Variants in CSNK1A1 observed in about 807,000 individuals in gnomAD.
CSNK1A1 encodes the protein casein kinase 1 alpha 1.
A neutral mutation model predicts 46.1 loss-of-function variants in CSNK1A1; 7 were observed. That is an observed-to-expected ratio of 0.15 (90% CI 0.09 to 0.29). CSNK1A1 has a LOEUF of 0.29. CSNK1A1 is among the 10% of genes least tolerant of loss of function. The pLI is 1.00. For missense variants in CSNK1A1, 96 were observed against 417.1 expected (o/e 0.23, Z 6.71); for synonymous variants, 137 against 141.5 (o/e 0.97, Z 0.23).
At position 149,550,427 on chromosome 5, in the gene CSNK1A1, C is replaced by G. The variant is rs773715415; in HGVS notation, c.124-246G>C. 3.4e-6 allele frequency: 4 copies of G among 1,181,724 alleles called. No individual in the cohort carries two copies. Among genetic ancestry groups the G allele is most frequent in the Non-Finnish European group, 4.4e-6 (4 of 916,986 alleles). 73.2% of individuals were successfully genotyped at this position (1,181,724 alleles called of 1,614,324 possible). A position where few individuals can be genotyped will look rare whatever the true frequency, so the allele number is the denominator to read the frequency against. ...TGATTCATCCAGAAAAAAGAGGCAA[C>G]CTCTGAACGTAGTGAGAGGTTTTTA... On this transcript the variant is annotated intron_variant, in intron 1 of 9. Coordinates refer to ENST00000377843, the MANE Select transcript of CSNK1A1 (RefSeq NM_001892.6). The surrounding 1 kb of genome is among the most constrained non-coding windows in gnomAD (Gnocchi z 4.3).
Position 149,496,750 on chromosome 5 carries a change from CA to C in CSNK1A1, c.*102del. On this transcript the variant is annotated 3_prime_UTR_variant, in exon 10 of 10. Coordinates refer to ENST00000377843, the MANE Select transcript of CSNK1A1 (RefSeq NM_001892.6). Reference sequence around the variant, plus strand: ...TTTACACCAAGTAAATGGTTGTCCACAACCACTGGCTAGTGTACATATGAAC... The same window carrying C: ...TTTACACCAAGTAAATGGTTGTCCACACCACTGGCTAGTGTACATATGAAC... 6.8e-7 allele frequency: 1 copy of C among 1,472,402 alleles called. No homozygotes were observed. Among genetic ancestry groups the C allele is most frequent in the Non-Finnish European group, 9.1e-7 (1 of 1,104,692 alleles). The allele number at this position is 1,472,402 out of a possible 1,614,324, so 91.2% of individuals were successfully genotyped here.
chr5:149,501,826 A>C (rs957299818), intron 9 of CSNK1A1: 8 of 978,500 alleles, frequency 8.2e-6, no homozygotes, highest in Non-Finnish European at 9.7e-6. Context: ...TAATATCTTG[A>C]AAAATACTTT....
chr5:149,506,886 C>T, intron 8 of CSNK1A1, 141 bp downstream of exon 8: 2 of 639,696 alleles, frequency 3.1e-6, no homozygotes, highest in East Asian at 5.9e-5. Context: ...AAATTAGTCC[C>T]AAATAAATCA....
chr5:149,545,750 T>C, intron 2 of CSNK1A1: 1 of 636,372 alleles, frequency 1.6e-6, no homozygotes, highest in Non-Finnish European at 2.9e-6. Flanking sequence ...ACCATTTCTG[T>C]GCCATTTTCA....
At chr5:149,548,766 T>C (rs942137328) in intron 2 of CSNK1A1, among the ~76,000 whole-genome samples, 1 of 152,132 alleles carries the variant, frequency 6.6e-6, no homozygotes, top group African/African-American at 2.4e-5. Flanking sequence ...CGAGAATCAC[T>C]TGAACCCGGG....
chr5:149,544,737 TTATATATATA>T (rs375444306), intron 2 of CSNK1A1, among the ~76,000 whole-genome samples: 4 of 80,808 alleles, frequency 4.9e-5, no homozygotes, highest in East Asian at 4.1e-4. Context: ...GTAAAGAGCT[TTATATATATA>T]TATATATATA....
At position 149,550,067 on chromosome 5, in the gene CSNK1A1, G is replaced by A. The variant is rs1411999572; in HGVS notation, c.230+8C>T. On this transcript the variant is annotated splice_region_variant and intron_variant, in intron 2 of 9. Coordinates refer to ENST00000377843, the MANE Select transcript of CSNK1A1 (RefSeq NM_001892.6). The surrounding 1 kb of genome is among the most constrained non-coding windows in gnomAD (Gnocchi z 4.3). ...TCAGCGGATCGCCTATATGCACCGG[G>A]TTCTTACCGTATGTGGGGGATGCCA... is the stretch of plus-strand genomic sequence containing the variant. 3 of 1,612,378 alleles carry A rather than the reference G, an allele frequency of 1.9e-6. No homozygotes were observed. The South Asian group carries it at 3.3e-5, about 18-fold the overall frequency.
chr5:149,499,964 TTTC>T (rs1252393297), intron 9 of CSNK1A1, among the ~76,000 whole-genome samples: 29 of 76,302 alleles, frequency 3.8e-4, no homozygotes, highest in Non-Finnish European at 6.9e-4. Context: ...TTTTTCTTTT[TTTC>T]TTTTTTTTTT....
chr5:149,550,427 C>A lies in CSNK1A1; in HGVS notation c.124-246G>T, dbSNP rs773715415. On this transcript the variant is annotated intron_variant, in intron 1 of 9. Transcript: ENST00000377843. This position sits in a 1 kb window ranked among gnomAD's most constrained non-coding sequence, Gnocchi z 4.3. ...TGATTCATCCAGAAAAAAGAGGCAA[C>A]CTCTGAACGTAGTGAGAGGTTTTTA... 2 of 1,181,842 alleles carry A rather than the reference C, an allele frequency of 1.7e-6. No homozygotes were observed. The highest frequency in any genetic ancestry group is 2.2e-6 in the Non-Finnish European group (2 of 916,978). The allele number at this position is 1,181,842 out of a possible 1,614,324, so 73.2% of individuals were successfully genotyped here.
At chr5:149,527,282 C>T (rs1414370831) in intron 2 of CSNK1A1, among the ~76,000 whole-genome samples, 2 of 152,056 alleles carry the variant, frequency 1.3e-5, no homozygotes, top group East Asian at 1.9e-4. Context: ...CGCCTGCCAC[C>T]ACGCCCAGCT....
intron 9 of CSNK1A1, chr5:149,499,325 T>C (rs1257281731): frequency 1.3e-6 from 1 of 795,506 alleles, no homozygotes; most frequent in Non-Finnish European, 1.5e-6. Flanking sequence ...GAGGGGGGAG[T>C]TAAAACAGAG....
chr5:149,539,994 C>T (rs1482421339), intron 2 of CSNK1A1, among the ~76,000 whole-genome samples: 2 of 152,090 alleles, frequency 1.3e-5, no homozygotes, highest in South Asian at 4.1e-4. Context: ...CTGAATTCAA[C>T]CAATTATTCC....
rs1761691565 is a variant in CSNK1A1, at chr5:149,525,273, A to G, written c.231-102T>C. The G allele has an allele frequency of 1.7e-6, 2 of 1,172,628 alleles. No homozygotes were observed. Among genetic ancestry groups the G allele is most frequent in the Non-Finnish European group, 1.2e-6 (1 of 867,824 alleles). The allele number at this position is 1,172,628 out of a possible 1,614,324, so 72.6% of individuals were successfully genotyped here. ...TTTTCTTTCACTGACTAGGTATTAT[A>G]TAAGGCGAATGTTCCCCTACTCAGA... On this transcript the variant is annotated intron_variant, in intron 2 of 9. Coordinates refer to ENST00000377843, the MANE Select transcript of CSNK1A1 (RefSeq NM_001892.6). This position sits in a 1 kb window ranked among gnomAD's most constrained non-coding sequence, Gnocchi z 4.2.
At chr5:149,523,256 T>C (rs905477483) in intron 3 of CSNK1A1, among the ~76,000 whole-genome samples, 9 of 152,122 alleles carry the variant, frequency 5.9e-5, no homozygotes, top group African/African-American at 2.2e-4. Context: ...GCCAGGCTGG[T>C]CTCGAACTCC....
intron 2 of CSNK1A1, among the ~76,000 whole-genome samples, chr5:149,544,758 T>TATATATATATATATATACACAC (rs150989849): frequency 7.7e-6 from 1 of 129,284 alleles, no homozygotes; most frequent in African/African-American, 3.2e-5. Context: ...TATATATATA[T>TATATATATATATATATACACAC]ATATATAGTT....
At chr5:149,519,822 TG>T (rs1167710683) in intron 4 of CSNK1A1, among the ~76,000 whole-genome samples, 1 of 152,178 alleles carries the variant, frequency 6.6e-6, no homozygotes, top group African/African-American at 2.4e-5. Flanking sequence ...TTATCAACCA[TG>T]CTCAGTCAGC....
chr5:149,511,219 C>CAGGTAGGAGGCTG (rs916937259), intron 6 of CSNK1A1, among the ~76,000 whole-genome samples: 15 of 152,098 alleles, frequency 9.9e-5, no homozygotes, highest in African/African-American at 3.4e-4. Flanking sequence ...GTCCCAGCTA[C>CAGGTAGGAGGCTG]AGGTAGGAGG....
chr5:149,547,268 T>C (rs1032979076), intron 2 of CSNK1A1, among the ~76,000 whole-genome samples: 5 of 152,228 alleles, frequency 3.3e-5, no homozygotes, highest in African/African-American at 1.2e-4. Context: ...TAACTCTCTC[T>C]GCACTCACCA....
chr5:149,531,065 T>C (rs1761881940), intron 2 of CSNK1A1, among the ~76,000 whole-genome samples: 1 of 152,094 alleles, frequency 6.6e-6, no homozygotes, highest in Non-Finnish European at 1.5e-5. Context: ...TTCATATTTG[T>C]ATATGCCATT....
Sources: gnomAD v4.1 joint callset for allele counts (sites outside exome capture counted in the v4.1 genomes callset) on GRCh38, gnomAD v4.1.1 for gene constraint, Gnocchi (gnomAD v3.1) non-coding constraint, MANE v1.5 for transcripts, NCBI Gene and HGNC (gene_info 2026-07-23, HGNC 2026-07-21) for gene names.